The following RAI2 variants were observed in gnomAD, a reference collection of about 807,000 sequenced individuals.
RAI2 encodes retinoic acid-induced protein 2.
Under a neutral mutation model 15.3 loss-of-function variants are expected in RAI2, and 5 were observed. That is an observed-to-expected ratio of 0.33 (90% CI 0.17 to 0.69). The LOEUF (loss-of-function observed/expected upper bound fraction) is 0.69, where lower values mean the gene tolerates loss of function less well. RAI2 is among the 30% of genes least tolerant of loss of function. The pLI, the probability that RAI2 is intolerant of heterozygous loss-of-function variation, is 0.69. For missense variants in RAI2, 424 were observed against 424.7 expected (o/e 1.00, Z 0.01); for synonymous variants, 191 against 184.0 (o/e 1.04, Z -0.31).
chrX:17,852,054 A>AGATT (rs1403607467), intron 1 of RAI2, among the ~76,000 whole-genome samples: 2 of 111,936 alleles, frequency 1.8e-5, no homozygotes, highest in Non-Finnish European at 3.8e-5. Flanking sequence ...TCCAACGCCC[A>AGATT]GATTTATGAT....
Position 17,800,074 on chromosome X carries a change from A to G in RAI2, c.*344T>C, listed in dbSNP as rs1446044245. ...TTAGTGCAAACAAACATTTATTGTG[A>G]AATATTCATCCTACCCTTTATTAGG... On this transcript the variant is annotated 3_prime_UTR_variant, in exon 2 of 2. Coordinates refer to ENST00000451717, the MANE Select transcript of RAI2 (RefSeq NM_021785.6). 1 of 166,531 alleles carries G rather than the reference A, an allele frequency of 6.0e-6. No individual in the cohort carries two copies. The highest frequency in any genetic ancestry group is 1.1e-5 in the Non-Finnish European group (1 of 89,447). 13.7% of individuals were successfully genotyped at this position (166,531 alleles called of 1,213,427 possible).
At chrX:17,834,387 A>G (rs1256647992) in intron 1 of RAI2, among the ~76,000 whole-genome samples, 1 of 110,966 alleles carries the variant, frequency 9.0e-6, no homozygotes, top group African/African-American at 3.3e-5. Context: ...CACACAAGCA[A>G]TATGTTTTGG....
chrX:17,830,516 A>T (rs987137859), intron 1 of RAI2, among the ~76,000 whole-genome samples: 10 of 104,573 alleles, frequency 9.6e-5, no homozygotes, highest in Non-Finnish European at 1.4e-4. Context: ...TTTTTTTTTT[A>T]AAGACTCAGT....
intron 1 of RAI2, among the ~76,000 whole-genome samples, chrX:17,805,497 C>G (rs1457324617): frequency 8.9e-6 from 1 of 112,406 alleles, no homozygotes; most frequent in African/African-American, 3.2e-5. Flanking sequence ...CTGTCCCCAG[C>G]CTGCCTTCCA....
intron 1 of RAI2, among the ~76,000 whole-genome samples, chrX:17,850,263 G>A (rs2067513085): frequency 8.9e-6 from 1 of 112,316 alleles, no homozygotes; most frequent in Non-Finnish European, 1.9e-5. Context: ...GGCAGCTGGG[G>A]GAGCAATGCA....
intron 1 of RAI2, among the ~76,000 whole-genome samples, chrX:17,848,750 T>G (rs990646480): frequency 8.9e-6 from 1 of 111,807 alleles, no homozygotes; most frequent in Non-Finnish European, 1.9e-5. Flanking sequence ...ATTATCTGTC[T>G]GTCTCACTCT....
At chrX:17,859,821 C>G (rs2067664853) in intron 1 of RAI2, among the ~76,000 whole-genome samples, 1 of 111,624 alleles carries the variant, frequency 9.0e-6, no homozygotes, top group South Asian at 3.8e-4. Context: ...GACGCTGCGC[C>G]GTGCCCTCCC....
At chrX:17,823,520 TATC>T (rs1324911970) in intron 1 of RAI2, among the ~76,000 whole-genome samples, 1 of 111,507 alleles carries the variant, frequency 9.0e-6, no homozygotes, top group Non-Finnish European at 1.9e-5. Context: ...GAACAGTAAC[TATC>T]ATCAAGTCTA....
intron 1 of RAI2, among the ~76,000 whole-genome samples, chrX:17,824,923 C>T (rs1383908112): frequency 8.0e-5 from 9 of 112,331 alleles, no homozygotes; most frequent in Non-Finnish European, 1.3e-4. Flanking sequence ...GTGTCTGCAA[C>T]AGCATTATAA....
At chrX:17,848,007 G>T (rs1414385911) in intron 1 of RAI2, among the ~76,000 whole-genome samples, 1 of 111,989 alleles carries the variant, frequency 8.9e-6, no homozygotes, top group Non-Finnish European at 1.9e-5. Flanking sequence ...CCAATTAATG[G>T]GGACAGAGCC....
At position 17,801,090 on chromosome X, in the gene RAI2, G is replaced by T. The variant is rs2147203342; in HGVS notation, c.921C>A (p.Val307=). 8.3e-7 allele frequency: 1 copy of T among 1,211,728 alleles called. No individual in the cohort carries two copies. The highest frequency in any genetic ancestry group is 1.1e-6 in the Non-Finnish European group (1 of 895,507). ...KEYFQLSRHT[V]IKMGSENEAL... ...CCTCGTTCTCACTTCCCATCTTAAT[G>T]ACCGTGTGGCGGCTGAGCTGGAAGT... Residue 307 remains valine, a synonymous_variant, in exon 2 of 2, where the codon GTC becomes GTA. Coordinates refer to ENST00000451717, the MANE Select transcript of RAI2 (RefSeq NM_021785.6).
rs770207709 is a variant in RAI2 at position 17,801,768 on chromosome X, C to G, written c.243G>C (p.Leu81=). 8.3e-7 allele frequency: 1 copy of G among 1,212,115 alleles called. No homozygotes were observed. Among genetic ancestry groups the G allele is most frequent in the Non-Finnish European group, 1.1e-6 (1 of 895,612 alleles). ...TCACCACTGGGCTCTCCCCGAGGCA[C>G]AGGGGCTGCAACACAGTGGCCGCCA... ...LKVAATVLQP[L]CLGESPVVMP... is the part of the protein sequence containing the mutation. The change falls in exon 2 of 2, where the codon CTG becomes CTC. Residue 81 remains leucine, a synonymous_variant. Transcript: ENST00000451717.
rs2067569736 is a variant in RAI2, at chrX:17,854,145, T to C, written c.-25+6953A>G. Among the ~76,000 whole-genome samples the C allele has an allele frequency of 2.7e-5, 3 of 112,382 alleles. No homozygotes were observed. In the South Asian group the frequency reaches 1.1e-3, roughly 42 times the overall value. On this transcript the variant is annotated intron_variant, in intron 1 of 1. Transcript: ENST00000451717. Reference sequence around the variant, plus strand: ...CCTGAATCTTTCCTTGTATTTACTGTAGATTCAATCATTCCTTAGTGAGCA... The same window carrying C: ...CCTGAATCTTTCCTTGTATTTACTGCAGATTCAATCATTCCTTAGTGAGCA...
intron 1 of RAI2, among the ~76,000 whole-genome samples, chrX:17,853,121 A>C (rs1214958933): frequency 9.0e-6 from 1 of 111,353 alleles, no homozygotes; most frequent in African/African-American, 3.3e-5. Context: ...ATGAAAAAGA[A>C]ATTAGGGAGG....
In RAI2 at chrX:17,800,753, C is replaced by T. The variant is rs1429779489; in HGVS notation, c.1258G>A (p.Gly420Ser). Reference sequence around the variant, plus strand: ...ATGTTATTTTCAGCCTTGACTTCGCCGCTGGGGTGGTTGGGCTGGCTGAGC... The same window carrying T: ...ATGTTATTTTCAGCCTTGACTTCGCTGCTGGGGTGGTTGGGCTGGCTGAGC... ...EMLSQPNHPS[G>S]EVKAENNIEM... is the part of the protein sequence containing the mutation. The change falls in exon 2 of 2, where the codon GGC becomes AGC. Residue 420 changes from glycine to serine, a missense_variant. Physicochemically the swap from Gly to Ser is moderately conservative, Grantham distance 56. Coordinates refer to ENST00000451717, the MANE Select transcript of RAI2 (RefSeq NM_021785.6). The T allele has an allele frequency of 5.7e-5, 69 of 1,209,841 alleles. 1 individual carries two copies. The highest frequency in any genetic ancestry group is 7.0e-5 in the Non-Finnish European group (63 of 895,248).
chrX:17,855,556 G>A (rs1457352203), intron 1 of RAI2, among the ~76,000 whole-genome samples: 1 of 111,437 alleles, frequency 9.0e-6, no homozygotes, highest in African/African-American at 3.3e-5. Context: ...CATGGCACCT[G>A]AGCTACTGAA....
At chrX:17,846,473 A>G (rs1038227330) in intron 1 of RAI2, among the ~76,000 whole-genome samples, 1 of 111,988 alleles carries the variant, frequency 8.9e-6, no homozygotes, top group African/African-American at 3.2e-5. Context: ...TGACCTATTT[A>G]AAGCGTATGT....
At chrX:17,816,766 C>G (rs1202081062) in intron 1 of RAI2, among the ~76,000 whole-genome samples, 3 of 111,954 alleles carry the variant, frequency 2.7e-5, no homozygotes, top group Non-Finnish European at 5.6e-5. Flanking sequence ...AGCTGTTCAC[C>G]AAACCCATCT....
chrX:17,850,577 G>C (rs1412067572), intron 1 of RAI2, among the ~76,000 whole-genome samples: 1 of 112,392 alleles, frequency 8.9e-6, no homozygotes, highest in Admixed American at 9.4e-5. Context: ...GGGGTCAGAA[G>C]AGCTGAGTAA....
Sources: allele counts gnomAD v4.1 joint callset (sites outside exome capture counted in the v4.1 genomes callset), GRCh38; gene constraint gnomAD v4.1.1; transcripts MANE v1.5; gene names NCBI Gene and HGNC (gene_info 2026-07-23, HGNC 2026-07-21).